Variants in POU2F1 observed in about 807,000 individuals in gnomAD.
POU2F1 encodes POU domain, class 2, transcription factor 1.
In POU2F1, 16 loss-of-function variants were observed where a neutral mutation model predicts 84.9. The observed-to-expected ratio is 0.19, with a 90% CI of 0.13 to 0.29. The LOEUF (loss-of-function observed/expected upper bound fraction) is 0.29. POU2F1 is among the 10% of genes least tolerant of loss of function. The probability of loss-of-function intolerance (pLI) is 1.00; values close to 1 mark genes in which losing one functional copy is unlikely to be tolerated. For synonymous variants in POU2F1, 368 were observed against 368.3 expected, an observed-to-expected ratio of 1.00 and a Z score of 0.01; for missense variants, 738 against 942.6, an observed-to-expected ratio of 0.78 and a Z score of 2.84.
At chr1:167,292,758 GA>G (rs1271458293) in intron 1 of POU2F1, among the ~76,000 whole-genome samples, 17 of 151,764 alleles carry the variant, frequency 1.1e-4, no homozygotes, top group African/African-American at 3.9e-4. Context: ...AAACCTCAAG[GA>G]AACACTAGCT....
chr1:167,327,402 C>T (rs1162463906), intron 1 of POU2F1, among the ~76,000 whole-genome samples: 1 of 152,184 alleles, frequency 6.6e-6, no homozygotes, highest in African/African-American at 2.4e-5. Context: ...CAAAGTCTCT[C>T]CTCATAAGCA....
intron 7 of POU2F1, among the ~76,000 whole-genome samples, chr1:167,381,603 C>CTTTTT (rs147770215): frequency 2.9e-4 from 19 of 65,990 alleles, no homozygotes; most frequent in Non-Finnish European, 4.1e-4. Flanking sequence ...GCTCTCTTCT[C>CTTTTT]TTTTTTTTTT....
intron 1 of POU2F1, among the ~76,000 whole-genome samples, chr1:167,300,696 C>T (rs1654627934): frequency 6.6e-6 from 1 of 152,148 alleles, no homozygotes; most frequent in Non-Finnish European, 1.5e-5. Context: ...ATCTCTTGAC[C>T]TCGTGATCCG....
intron 1 of POU2F1, among the ~76,000 whole-genome samples, chr1:167,303,171 C>A (rs1654836467): frequency 6.6e-6 from 1 of 151,104 alleles, no homozygotes. Context: ...TGAAATGCAC[C>A]CTTTAAAAAA....
chr1:167,416,087 T>TAAAAAAAAAAAAAAAAAAAAAATA lies in POU2F1; in HGVS notation c.*296_*297insAAATAAAAAAAAAAAAAAAAAAAA. ...ATTGGAGAACTTTCTAACCAAAAAT[T>TAAAAAAAAAAAAAAAAAAAAAATA]AAAAAAAAAAAAAAAAAAAGAAACA... On this transcript the variant is annotated 3_prime_UTR_variant, in exon 16 of 16. Transcript: ENST00000367866. The TAAAAAAAAAAAAAAAAAAAAAATA allele has an allele frequency of 2.8e-6, 1 of 351,044 alleles. No individual in the cohort carries two copies. Among genetic ancestry groups the TAAAAAAAAAAAAAAAAAAAAAATA allele is most frequent in the Non-Finnish European group, 5.2e-6 (1 of 192,874 alleles). 21.7% of individuals were successfully genotyped at this position (351,044 alleles called of 1,614,324 possible).
chr1:167,266,760 A>T (rs112324349), intron 1 of POU2F1, among the ~76,000 whole-genome samples: 1 of 151,250 alleles, frequency 6.6e-6, no homozygotes, highest in Admixed American at 6.6e-5. Context: ...AGTAGCTGGG[A>T]TTACAGGCAC....
rs1380423640 is a variant in POU2F1 at position 167,419,834 on chromosome 1, A to G, written c.*4024A>G. Reference sequence around the variant, plus strand: ...TTTGTGTAGAATCATACCTACTTATACTTAATGCTAGCACTGTAAGAAATA... The same window carrying G: ...TTTGTGTAGAATCATACCTACTTATGCTTAATGCTAGCACTGTAAGAAATA... On this transcript the variant is annotated 3_prime_UTR_variant, in exon 16 of 16. Transcript: ENST00000367866. 6.6e-6 allele frequency: 1 copy of G among 152,232 alleles called. No homozygotes were observed. The highest frequency in any genetic ancestry group is 1.9e-4 in the East Asian group (1 of 5,204). The allele number at this position is 152,232 out of a possible 1,614,324, so 9.4% of individuals were successfully genotyped here.
chr1:167,339,223 A>G (rs909319365), intron 2 of POU2F1, among the ~76,000 whole-genome samples: 1 of 151,286 alleles, frequency 6.6e-6, no homozygotes, highest in South Asian at 2.1e-4. Flanking sequence ...TCCTTCTCTA[A>G]CTCTCCTGTC....
chr1:167,416,111 CAA>C lies in POU2F1; in HGVS notation c.*307_*308del, dbSNP rs752667114. 1,489 of 402,886 alleles carry C rather than the reference CAA, an allele frequency of 3.7e-3. 19 individuals are homozygous for C. Among genetic ancestry groups the C allele is most frequent in the African/African-American group, 0.032 (1,338 of 41,466 alleles). 25.0% of individuals were successfully genotyped at this position (402,886 alleles called of 1,614,324 possible). A position where few individuals can be genotyped will look rare whatever the true frequency, so the allele number is the denominator to read the frequency against. ...TTAAAAAAAAAAAAAAAAAAAGAAA[CAA>C]AAAAATCAAAAACAAACAAAAATAA... On this transcript the variant is annotated 3_prime_UTR_variant, in exon 16 of 16. Coordinates refer to ENST00000367866, the MANE Select transcript of POU2F1 (RefSeq NM_002697.4).
chr1:167,222,881 G>A (rs1429678809), intron 1 of POU2F1, among the ~76,000 whole-genome samples: 1 of 152,208 alleles, frequency 6.6e-6, no homozygotes, highest in Non-Finnish European at 1.5e-5. Context: ...TTGGGGATGG[G>A]TACCCCGGTT....
At chr1:167,248,935 G>C (rs151186974) in intron 1 of POU2F1, among the ~76,000 whole-genome samples, 15 of 152,202 alleles carry the variant, frequency 9.9e-5, no homozygotes, top group African/African-American at 3.4e-4. Flanking sequence ...ACTTGTCTAG[G>C]ATCACATGAT....
At chr1:167,361,110 G>A (rs577611505) in intron 2 of POU2F1, among the ~76,000 whole-genome samples, 1 of 152,132 alleles carries the variant, frequency 6.6e-6, no homozygotes, top group South Asian at 2.1e-4. Flanking sequence ...AGGTCTAGGA[G>A]TCTTTGAGCA....
At chr1:167,406,406 A>G (rs1253743750) in intron 13 of POU2F1, among the ~76,000 whole-genome samples, 4 of 152,230 alleles carry the variant, frequency 2.6e-5, no homozygotes, top group Non-Finnish European at 1.5e-5. Flanking sequence ...TCTCCAGCAA[A>G]TAGAATACTT....
At chr1:167,270,373 T>G (rs1652282846) in intron 1 of POU2F1, among the ~76,000 whole-genome samples, 1 of 152,178 alleles carries the variant, frequency 6.6e-6, no homozygotes. Flanking sequence ...GTATTCCTTG[T>G]TTTGTTTTTT....
intron 7 of POU2F1, among the ~76,000 whole-genome samples, chr1:167,377,534 C>T (rs994079111): frequency 7.2e-5 from 11 of 152,106 alleles, no homozygotes; most frequent in Non-Finnish European, 1.0e-4. Flanking sequence ...TTGCAGTGAG[C>T]CAAGATTGAA....
At chr1:167,331,641 G>A (rs1325823698) in intron 1 of POU2F1, among the ~76,000 whole-genome samples, 2 of 152,008 alleles carry the variant, frequency 1.3e-5, no homozygotes, top group Non-Finnish European at 1.5e-5. Context: ...TAGAAGAAAA[G>A]CAGAGTTCTT....
At chr1:167,396,588 C>T (rs1648822007) in intron 10 of POU2F1, 161 bp downstream of exon 10, 4 of 693,012 alleles carry the variant, frequency 5.8e-6, no homozygotes, top group Admixed American at 3.1e-5. Context: ...TGATATAAAT[C>T]AGAAAGCTGA....
At chr1:167,372,941 CTT>C (rs1282574983) in intron 5 of POU2F1, among the ~76,000 whole-genome samples, 11 of 151,862 alleles carry the variant, frequency 7.2e-5, no homozygotes, top group African/African-American at 2.4e-4. Context: ...TTCTTTCTTT[CTT>C]TCTTTCTTTT....
chr1:167,401,157 T>C (rs1557960609), intron 12 of POU2F1, among the ~76,000 whole-genome samples: 1 of 152,194 alleles, frequency 6.6e-6, no homozygotes, highest in Non-Finnish European at 1.5e-5. Flanking sequence ...GATTCCCTGA[T>C]CCTGTCAAAT....
Sources: gnomAD v4.1 joint callset for allele counts (sites outside exome capture counted in the v4.1 genomes callset) on GRCh38, gnomAD v4.1.1 for gene constraint, MANE v1.5 for transcripts, NCBI Gene and HGNC (gene_info 2026-07-23, HGNC 2026-07-21) for gene names.